Variants in CAMTA1 observed in about 807,000 individuals in gnomAD.
The protein encoded by CAMTA1 is calmodulin-binding transcription activator 1.
Under a neutral mutation model 170.9 loss-of-function variants are expected in CAMTA1, and 27 were observed. That is an observed-to-expected ratio of 0.16 (90% CI 0.12 to 0.22). The LOEUF (loss-of-function observed/expected upper bound fraction) is 0.22. Among genes scored for constraint, CAMTA1 ranks in the 10% least tolerant of loss-of-function variants. CAMTA1 has a pLI of 1.00. For missense variants in CAMTA1, 1,619 were observed against 2,217.2 expected (o/e 0.73, Z 5.42); for synonymous variants, 833 against 891.5 (o/e 0.93, Z 1.17).
intron 1 of CAMTA1, among the ~76,000 whole-genome samples, chr1:6,790,844 A>G (rs184089281): frequency 5.9e-5 from 9 of 152,338 alleles, no homozygotes; most frequent in Admixed American, 5.2e-4. Flanking sequence ...ATAATAATAA[A>G]AATTACTAAC....
intron 4 of CAMTA1, among the ~76,000 whole-genome samples, chr1:7,225,536 G>A (rs969346532): frequency 1.6e-4 from 24 of 152,304 alleles, no homozygotes; most frequent in African/African-American, 5.5e-4. Flanking sequence ...TGGGGTTGTG[G>A]GTGGGGTGTT....
In CAMTA1 at chr1:7,547,348, GCACACACACACACACACACA is replaced by G. The variant is rs3222190; in HGVS notation, c.510+79470_510+79489del. On this transcript the variant is annotated intron_variant, in intron 6 of 22. Coordinates refer to ENST00000303635, the MANE Select transcript of CAMTA1 (RefSeq NM_015215.4). The surrounding 1 kb of genome is among the most constrained non-coding windows in gnomAD (Gnocchi z 5.7). ...GAGCTGGGGAATATATGTATCATAT[GCACACACACACACACACACA>G]CACACACACACACACACACACAGAG... 4.2e-5 allele frequency among the ~76,000 whole-genome samples: 6 copies of G among 144,108 alleles called. No individual in the cohort carries two copies. Among genetic ancestry groups the G allele is most frequent in the East Asian group, 2.0e-4 (1 of 4,938 alleles). The allele number at this position is 144,108 out of a possible 152,430, so 94.5% of individuals were successfully genotyped here.
At chr1:7,502,739 A>C (rs944669998) in intron 6 of CAMTA1, among the ~76,000 whole-genome samples, 34 of 152,334 alleles carry the variant, frequency 2.2e-4, no homozygotes, top group African/African-American at 7.9e-4. Context: ...TTCAATGCCG[A>C]CGGAGATGTG....
intron 3 of CAMTA1, among the ~76,000 whole-genome samples, chr1:6,886,513 G>T (rs1056833389): frequency 6.6e-6 from 1 of 152,240 alleles, no homozygotes. Context: ...TTCAGTACCT[G>T]TTCTAGGTAC....
intron 10 of CAMTA1, among the ~76,000 whole-genome samples, 189 bp from the exon 11 acceptor site, chr1:7,677,410 G>A (rs910406030): frequency 9.9e-5 from 15 of 152,196 alleles, no homozygotes; most frequent in African/African-American, 1.4e-4. Context: ...GAGTCTGGGC[G>A]AACCAAGAAG....
chr1:7,643,963 G>A (rs554927932), intron 7 of CAMTA1, among the ~76,000 whole-genome samples: 5 of 152,196 alleles, frequency 3.3e-5, no homozygotes, highest in South Asian at 2.1e-4. Flanking sequence ...AGAATCAGGC[G>A]GGTCACCCAA....
intron 5 of CAMTA1, among the ~76,000 whole-genome samples, chr1:7,452,961 G>T (rs1198672253): frequency 6.6e-6 from 1 of 152,186 alleles, no homozygotes; most frequent in Non-Finnish European, 1.5e-5. Context: ...GTTCAAACGA[G>T]GTTCTTGAAT....
rs1207818306 is a variant in CAMTA1, at chr1:7,216,817, T to TTA, written c.303-32673_303-32672insAT. Among the ~76,000 whole-genome samples the TTA allele has an allele frequency of 7.9e-5, 12 of 152,306 alleles. No individual in the cohort carries two copies. In the South Asian group the frequency reaches 1.7e-3, roughly 21 times the overall value. On this transcript the variant is annotated intron_variant, in intron 4 of 22. Coordinates refer to ENST00000303635, the MANE Select transcript of CAMTA1 (RefSeq NM_015215.4). The surrounding 1 kb of genome is among the most constrained non-coding windows in gnomAD (Gnocchi z 4.0). ...CAAACCTGGCCTATATTTCCTACAA[T>TTA]TTCCTCTCCTGTAAAAGTGGTTGTA... is the stretch of plus-strand genomic sequence containing the variant.
intron 6 of CAMTA1, among the ~76,000 whole-genome samples, chr1:7,513,069 AC>A (rs1252803956): frequency 6.6e-6 from 1 of 151,972 alleles, no homozygotes; most frequent in South Asian, 2.1e-4. Context: ...TCCCAACACC[AC>A]CCCGTGCCCC....
rs1451657656 is a variant in CAMTA1 at position 7,634,383 on chromosome 1, A to G, written c.511-6017A>G. Among the ~76,000 whole-genome samples the G allele has an allele frequency of 6.6e-6, 1 of 152,058 alleles. No individual in the cohort carries two copies. The highest frequency in any genetic ancestry group is 2.4e-5 in the African/African-American group (1 of 41,418). ...CAGCTGTGGGAAGCCTGGAGGGGCC[A>G]AGGGTGCTGAGCAGGAGGTCGGGAG... On this transcript the variant is annotated intron_variant, in intron 6 of 22. Coordinates refer to ENST00000303635, the MANE Select transcript of CAMTA1 (RefSeq NM_015215.4). This position sits in a 1 kb window ranked among gnomAD's most constrained non-coding sequence, Gnocchi z 6.2.
intron 3 of CAMTA1, among the ~76,000 whole-genome samples, chr1:6,856,428 C>T (rs1160218445): frequency 6.6e-6 from 1 of 150,652 alleles, no homozygotes; most frequent in Non-Finnish European, 1.5e-5. Flanking sequence ...TACATAACAG[C>T]AGACAAAATA....
chr1:7,102,825 C>T (rs1481912811), intron 4 of CAMTA1, among the ~76,000 whole-genome samples: 1 of 152,086 alleles, frequency 6.6e-6, no homozygotes, highest in Non-Finnish European at 1.5e-5. Flanking sequence ...CATCTTCTCC[C>T]TGGGTTATGA....
chr1:7,685,143 A>G lies in CAMTA1; in HGVS notation c.2914+7410A>G, dbSNP rs1249956444. Among the ~76,000 whole-genome samples the G allele has an allele frequency of 1.3e-5, 2 of 152,148 alleles. No homozygotes were observed. The highest frequency in any genetic ancestry group is 4.8e-5 in the African/African-American group (2 of 41,424). ...CGGTCACAGGTGGTGTGTTTTGAGG[A>G]GTTCGCAGGCACCGTCCTGAGGTCA... On this transcript the variant is annotated intron_variant, in intron 11 of 22. Coordinates refer to ENST00000303635, the MANE Select transcript of CAMTA1 (RefSeq NM_015215.4). The surrounding 1 kb of genome is among the most constrained non-coding windows in gnomAD (Gnocchi z 5.7).
Position 7,261,955 on chromosome 1 carries a change from C to T in CAMTA1, c.438+12329C>T, listed in dbSNP as rs1369196125. Among the ~76,000 whole-genome samples the T allele has an allele frequency of 9.9e-5, 15 of 152,004 alleles. 1 individual carries two copies. Among genetic ancestry groups the T allele is most frequent in the Admixed American group, 9.8e-4 (15 of 15,280 alleles). ...GGAAACCCCAAGACTCCTTGTTTTC[C>T]CCCAGATTCCTTACCCGTCTACATG... On this transcript the variant is annotated intron_variant, in intron 5 of 22. Transcript: ENST00000303635.
At chr1:7,468,139 G>A (rs1328974124) in intron 6 of CAMTA1, among the ~76,000 whole-genome samples, 1 of 152,208 alleles carries the variant, frequency 6.6e-6, no homozygotes, top group Non-Finnish European at 1.5e-5. Flanking sequence ...ACCCACTGAT[G>A]GGAAATAAAC....
intron 5 of CAMTA1, among the ~76,000 whole-genome samples, chr1:7,365,499 G>A (rs945006906): frequency 2.0e-5 from 3 of 151,652 alleles, no homozygotes; most frequent in African/African-American, 7.3e-5. Flanking sequence ...AAGTATAAAC[G>A]TGCAGCCAAG....
chr1:6,881,771 G>C (rs1039037262), intron 3 of CAMTA1, among the ~76,000 whole-genome samples: 3 of 152,098 alleles, frequency 2.0e-5, no homozygotes, highest in African/African-American at 7.2e-5. Flanking sequence ...TTCAAGACCA[G>C]CCTGGCCAAC....
intron 3 of CAMTA1, among the ~76,000 whole-genome samples, chr1:6,879,934 A>T (rs951964325): frequency 2.0e-5 from 3 of 151,586 alleles, no homozygotes; most frequent in Admixed American, 6.6e-5. Flanking sequence ...GCCCTGTGGG[A>T]GGTTTCTTAT....
At chr1:7,154,524 G>A (rs1414122536) in intron 4 of CAMTA1, among the ~76,000 whole-genome samples, 2 of 152,176 alleles carry the variant, frequency 1.3e-5, no homozygotes, top group Non-Finnish European at 2.9e-5. Context: ...TCTGGCAGGA[G>A]AGGATCTGAG....
Sources: gnomAD v4.1 joint callset for allele counts (sites outside exome capture counted in the v4.1 genomes callset) on GRCh38, gnomAD v4.1.1 for gene constraint, Gnocchi (gnomAD v3.1) non-coding constraint, MANE v1.5 for transcripts, NCBI Gene and HGNC (gene_info 2026-07-23, HGNC 2026-07-21) for gene names.